The following RUNDC3B variants were observed in gnomAD, a reference collection of about 807,000 sequenced individuals.
The protein encoded by RUNDC3B is RUN domain containing 3B.
A neutral mutation model predicts 58.4 loss-of-function variants in RUNDC3B; 33 were observed. The ratio of observed to expected loss-of-function variants is 0.56; its 90% confidence interval spans 0.43 to 0.75. RUNDC3B has a LOEUF of 0.75. Among genes scored for constraint, RUNDC3B ranks in the 30% least tolerant of loss-of-function variants. RUNDC3B has a pLI of 0.00. For missense variants in RUNDC3B, 501 were observed against 535.7 expected (o/e 0.94, Z 0.64); for synonymous variants, 193 against 195.2 (o/e 0.99, Z 0.10).
At chr7:87,818,973 G>A (rs960923127) in intron 10 of RUNDC3B, among the ~76,000 whole-genome samples, 10 of 152,118 alleles carry the variant, frequency 6.6e-5, no homozygotes, top group Non-Finnish European at 1.5e-4. Context: ...AGGTACTTCC[G>A]GCAGCACTCC....
chr7:87,713,894 T>C (rs1830311038), intron 4 of RUNDC3B, among the ~76,000 whole-genome samples: 2 of 152,194 alleles, frequency 1.3e-5, no homozygotes, highest in South Asian at 4.1e-4. Flanking sequence ...TTATGGAAAT[T>C]CATTTGTTTA....
intron 4 of RUNDC3B, among the ~76,000 whole-genome samples, chr7:87,722,125 T>C (rs1830938433): frequency 6.6e-6 from 1 of 152,082 alleles, no homozygotes; most frequent in African/African-American, 2.4e-5. Context: ...GTACTTGATG[T>C]TTTGATATAT....
chr7:87,697,064 A>G (rs952007552), intron 2 of RUNDC3B, among the ~76,000 whole-genome samples: 3 of 152,242 alleles, frequency 2.0e-5, no homozygotes, highest in Non-Finnish European at 4.4e-5. Context: ...CTGAAACTAA[A>G]GAGAAGATTT....
chr7:87,674,955 T>A (rs1189383171), intron 2 of RUNDC3B, among the ~76,000 whole-genome samples: 4 of 152,188 alleles, frequency 2.6e-5, no homozygotes, highest in South Asian at 4.1e-4. Flanking sequence ...GCTCTTCCTG[T>A]GCCAAGCCCT....
chr7:87,687,444 G>A (rs1275850976), intron 2 of RUNDC3B, among the ~76,000 whole-genome samples: 2 of 152,064 alleles, frequency 1.3e-5, no homozygotes, highest in African/African-American at 4.8e-5. Context: ...TTTCCCCTGA[G>A]TTACATTAAG....
At chr7:87,781,505 G>T (rs1328943605) in intron 8 of RUNDC3B, among the ~76,000 whole-genome samples, 1 of 151,956 alleles carries the variant, frequency 6.6e-6, no homozygotes, top group Admixed American at 6.6e-5. Flanking sequence ...CTCTGGCTAG[G>T]ACTTCTAGTA....
chr7:87,765,158 G>C (rs1201459932), intron 6 of RUNDC3B, among the ~76,000 whole-genome samples: 1 of 151,708 alleles, frequency 6.6e-6, no homozygotes, highest in Non-Finnish European at 1.5e-5. Context: ...CGTTATTTCT[G>C]ATTGTGCTTA....
At chr7:87,735,167 G>T (rs1362440628) in intron 4 of RUNDC3B, among the ~76,000 whole-genome samples, 7 of 152,072 alleles carry the variant, frequency 4.6e-5, no homozygotes, top group Non-Finnish European at 1.0e-4. Flanking sequence ...CACCTACATA[G>T]TTGATTAAGC....
At chr7:87,731,311 C>G (rs1418299551) in intron 4 of RUNDC3B, among the ~76,000 whole-genome samples, 2 of 151,996 alleles carry the variant, frequency 1.3e-5, no homozygotes, top group East Asian at 3.9e-4. Context: ...TAAGGCTTAT[C>G]ACAATAAAAA....
At chr7:87,772,283 C>T (rs929516651) in intron 7 of RUNDC3B, among the ~76,000 whole-genome samples, 6 of 151,776 alleles carry the variant, frequency 4.0e-5, no homozygotes, top group South Asian at 2.1e-4. Context: ...AATCAGTTCT[C>T]GAGAGCCTAT....
chr7:87,787,365 A>G (rs1835277940), intron 8 of RUNDC3B, among the ~76,000 whole-genome samples: 1 of 152,170 alleles, frequency 6.6e-6, no homozygotes, highest in African/African-American at 2.4e-5. Context: ...AAAATTGTAA[A>G]GGAAAAGGCC....
intron 2 of RUNDC3B, among the ~76,000 whole-genome samples, chr7:87,681,319 A>G (rs1405305721): frequency 6.6e-6 from 1 of 150,624 alleles, no homozygotes; most frequent in Non-Finnish European, 1.5e-5. Flanking sequence ...TTCTCAACTC[A>G]TTTTATAAGG....
rs750234024 is a variant in RUNDC3B, at chr7:87,741,582, A to ATG, written c.629+6_629+7dup. Reference sequence around the variant, plus strand: ...CCATATTTGAAGTATATCCAAAGGTATGTGACATTTTGAGATATGTTTTTT... The same window carrying ATG: ...CCATATTTGAAGTATATCCAAAGGTATGTGTGACATTTTGAGATATGTTTTTT... On this transcript the variant is annotated splice_donor_region_variant and intron_variant, in intron 6 of 10. Coordinates refer to ENST00000394654, the MANE Select transcript of RUNDC3B (RefSeq NM_001134405.2). 2.0e-6 allele frequency: 3 copies of ATG among 1,507,128 alleles called. No homozygotes were observed. The East Asian group carries it at 7.0e-5, about 35-fold the overall frequency. 93.4% of individuals were successfully genotyped at this position (1,507,128 alleles called of 1,614,324 possible).
chr7:87,786,260 T>C (rs1275519450), intron 8 of RUNDC3B, among the ~76,000 whole-genome samples: 1 of 152,094 alleles, frequency 6.6e-6, no homozygotes, highest in African/African-American at 2.4e-5. Context: ...CAGTGTTATT[T>C]TGTAATGAGA....
chr7:87,666,010 A>G (rs1190076579), intron 2 of RUNDC3B, among the ~76,000 whole-genome samples: 1 of 152,072 alleles, frequency 6.6e-6, no homozygotes, highest in Admixed American at 6.6e-5. Flanking sequence ...CGGTAATGGG[A>G]TTGCTGGGTC....
chr7:87,781,353 C>T (rs1017925579), intron 8 of RUNDC3B, among the ~76,000 whole-genome samples: 7 of 152,090 alleles, frequency 4.6e-5, no homozygotes, highest in Non-Finnish European at 1.0e-4. Flanking sequence ...TGAAACTTTA[C>T]TGAAGTTGTT....
chr7:87,676,062 A>G (rs1435737347), intron 2 of RUNDC3B, among the ~76,000 whole-genome samples: 1 of 152,036 alleles, frequency 6.6e-6, no homozygotes, highest in Non-Finnish European at 1.5e-5. Flanking sequence ...TCCCATCTCT[A>G]CAAAAAGTTA....
Position 87,656,849 on chromosome 7 carries a change from A to G in RUNDC3B, c.238+5912A>G, listed in dbSNP as rs558780063. On this transcript the variant is annotated intron_variant, in intron 2 of 10. Coordinates refer to ENST00000394654, the MANE Select transcript of RUNDC3B (RefSeq NM_001134405.2). ...CTCATTCAAAAACATAATGTAATGG[A>G]TCACTATAAATGCATTTTTTCATTT... Among the ~76,000 whole-genome samples the G allele has an allele frequency of 2.0e-5, 3 of 152,290 alleles. No individual in the cohort carries two copies. The East Asian group carries it at 5.8e-4, about 29-fold the overall frequency.
intron 6 of RUNDC3B, among the ~76,000 whole-genome samples, chr7:87,749,797 T>G (rs1445797836): frequency 6.6e-6 from 1 of 152,048 alleles, no homozygotes; most frequent in African/African-American, 2.4e-5. Flanking sequence ...GCTAGAAACA[T>G]TCTTAACATT....
Sources: gnomAD v4.1 joint callset for allele counts (sites outside exome capture counted in the v4.1 genomes callset) on GRCh38, gnomAD v4.1.1 for gene constraint, MANE v1.5 for transcripts, NCBI Gene and HGNC (gene_info 2026-07-23, HGNC 2026-07-21) for gene names.